The following ARL17A variants were observed in gnomAD, a reference collection of about 807,000 sequenced individuals.
ARL17A encodes the protein ADP-ribosylation factor-like 17-like.
chr17:46,534,854 G>T lies in ARL17A; in HGVS notation c.335+3497C>A, dbSNP rs187708086. ...CCCCCACCTCCCTCCCAGACAGGGC[G>T]GCTGCCGGGCAGAGGGGCTCCTCAC... On this transcript the variant is annotated intron_variant, in intron 4 of 4. Transcript: ENST00000329240. 8.7e-5 allele frequency among the ~76,000 whole-genome samples: 13 copies of T among 149,254 alleles called. 1 individual carries two copies. Among genetic ancestry groups the T allele is most frequent in the African/African-American group, 3.3e-4 (13 of 39,090 alleles).
At chr17:46,544,877 T>C (rs1353142787) in intron 3 of ARL17A, among the ~76,000 whole-genome samples, 2 of 135,700 alleles carry the variant, frequency 1.5e-5, no homozygotes, top group Non-Finnish European at 3.1e-5. Flanking sequence ...CTGCATGTCA[T>C]GTCTTCATTT....
chr17:46,541,405 C>A (rs2055290668), intron 3 of ARL17A, among the ~76,000 whole-genome samples: 1 of 148,122 alleles, frequency 6.8e-6, no homozygotes, highest in Non-Finnish European at 1.5e-5. Flanking sequence ...GCGCATGCCA[C>A]CACACCTGGC....
At chr17:46,525,297 CAT>C (rs1302124111), downstream of ARL17A, among the ~76,000 whole-genome samples, 1 of 88,808 alleles carries the variant, frequency 1.1e-5, no homozygotes, top group Non-Finnish European at 2.3e-5. Flanking sequence ...GGGAGTCCCT[CAT>C]AAAAATCTGG....
At chr17:46,559,164 AG>A (rs1365081960) in intron 3 of ARL17A, 2 of 57,226 alleles carry the variant, frequency 3.5e-5, no homozygotes, top group Admixed American at 1.9e-4. Flanking sequence ...CCCGGAGGTC[AG>A]GGCCTCTCGC....
intron 3 of ARL17A, among the ~76,000 whole-genome samples, chr17:46,557,983 G>A (rs1379814841): frequency 7.5e-6 from 1 of 133,450 alleles, no homozygotes; most frequent in Non-Finnish European, 1.6e-5. Flanking sequence ...AGGCCATATA[G>A]TATTGGAGAA....
chr17:46,554,441 C>A lies in ARL17A; in HGVS notation c.*2915G>T, dbSNP rs2145924108. 1 of 22,596 alleles carries A rather than the reference C, an allele frequency of 4.4e-5. No individual in the cohort carries two copies. Among genetic ancestry groups the A allele is most frequent in the Admixed American group, 4.9e-4 (1 of 2,030 alleles). 1.4% of individuals were successfully genotyped at this position (22,596 alleles called of 1,614,324 possible). A position where few individuals can be genotyped will look rare whatever the true frequency, so the allele number is the denominator to read the frequency against. ...ACTGTCTCAAATAAAAAAAAAACAACAAAAAAGAATTTTAACTACGGAGAC... is the reference window on the plus strand; with the variant it reads ...ACTGTCTCAAATAAAAAAAAAACAAAAAAAAAGAATTTTAACTACGGAGAC... On this transcript the variant is annotated 3_prime_UTR_variant, in exon 4 of 4. Transcript: ENST00000336125.
intron 3 of ARL17A, among the ~76,000 whole-genome samples, chr17:46,569,312 T>C (rs1450854578): frequency 1.3e-5 from 2 of 149,840 alleles, no homozygotes; most frequent in African/African-American, 2.5e-5. Flanking sequence ...TAAAGAATTA[T>C]TATTAATTTT....
chr17:46,502,287 C>T, the ARL17A span, among the ~76,000 whole-genome samples: 1 of 151,056 alleles, frequency 6.6e-6, no homozygotes. Flanking sequence ...TTGACCCCCA[C>T]TGTTATCTAG....
In ARL17A at chr17:46,541,615, C is replaced by T. The variant is rs573277940; in HGVS notation, c.260-3189G>A. Among the ~76,000 whole-genome samples the T allele has an allele frequency of 2.0e-3, 301 of 150,840 alleles. 2 individuals are homozygous for T. The highest frequency in any genetic ancestry group is 7.2e-3 in the African/African-American group (291 of 40,216). ...CATGTTGTTGCACCTATCACTACAG[C>T]TGGCCCTCCATATCTGCAGGTTCCT... On this transcript the variant is annotated intron_variant, in intron 3 of 4. Transcript: ENST00000329240.
downstream of ARL17A, among the ~76,000 whole-genome samples, chr17:46,516,434 GA>G (rs1384826705): frequency 6.9e-6 from 1 of 145,194 alleles, no homozygotes; most frequent in African/African-American, 2.6e-5. Context: ...GAGGTGTGGA[GA>G]TGCTACATGG....
intron 4 of ARL17A, among the ~76,000 whole-genome samples, chr17:46,530,457 G>A (rs531671287): frequency 5.8e-4 from 82 of 141,720 alleles, no homozygotes; most frequent in African/African-American, 2.2e-3. Flanking sequence ...GAATAGGAAA[G>A]AGGAGGGGGA....
Position 46,544,907 on chromosome 17 carries a change from C to T in ARL17A, c.260-6481G>A, listed in dbSNP as rs1225584329. ...TCATTTCCTTTAATCTAAAACATGC[C>T]TCTACTTTCTTTGATCTTTCATGAC... On this transcript the variant is annotated intron_variant, in intron 3 of 4. Transcript: ENST00000329240. Among the ~76,000 whole-genome samples the T allele has an allele frequency of 5.0e-5, 7 of 138,952 alleles. 1 individual carries two copies. Among genetic ancestry groups the T allele is most frequent in the South Asian group, 2.2e-4 (1 of 4,558 alleles). 91.2% of individuals were successfully genotyped at this position (138,952 alleles called of 152,430 possible).
downstream of ARL17A, chr17:46,549,121 A>G (rs747758053): frequency 3.7e-6 from 6 of 1,611,654 alleles, no homozygotes; most frequent in Non-Finnish European, 5.1e-6. Flanking sequence ...TCCAAAGGTC[A>G]GAAAGAAAAG....
At chr17:46,509,896 GAC>G in the ARL17A span, among the ~76,000 whole-genome samples, 7 of 44,574 alleles carry the variant, frequency 1.6e-4, 3 homozygotes, top group Non-Finnish European at 2.4e-4. Context: ...GACAGAGCAA[GAC>G]ACTCTCTCGA....
chr17:46,568,545 T>C (rs1598611572), intron 3 of ARL17A, among the ~76,000 whole-genome samples: 1 of 95,566 alleles, frequency 1.0e-5, no homozygotes, highest in Non-Finnish European at 2.0e-5. Context: ...TGGCTCACAC[T>C]ATGGTCTCAG....
At chr17:46,534,784 G>A (rs549918735) in intron 4 of ARL17A, among the ~76,000 whole-genome samples, 3 of 149,034 alleles carry the variant, frequency 2.0e-5, no homozygotes, top group South Asian at 4.2e-4. Context: ...GGGCAGAGGC[G>A]CCCCCCCACC....
chr17:46,534,649 C>T lies in ARL17A; in HGVS notation c.335+3702G>A, dbSNP rs548597735. On this transcript the variant is annotated intron_variant, in intron 4 of 4. Transcript: ENST00000329240. ...TTTCTGTATCTTTTCCCCACATTTC[C>T]CCCTTTTCTATTCAACAAAACCACC... 2.1e-3 allele frequency among the ~76,000 whole-genome samples: 310 copies of T among 148,942 alleles called. 3 individuals carry two copies. The highest frequency in any genetic ancestry group is 7.7e-3 in the African/African-American group (302 of 38,990).
the ARL17A span, among the ~76,000 whole-genome samples, chr17:46,501,187 G>A: frequency 6.6e-6 from 1 of 151,254 alleles, no homozygotes; most frequent in African/African-American, 2.5e-5. Context: ...CAGCTATATT[G>A]ACTTGTTTTT....
chr17:46,541,355 G>T (rs1270041022), intron 3 of ARL17A, among the ~76,000 whole-genome samples: 1 of 149,078 alleles, frequency 6.7e-6, no homozygotes, highest in Non-Finnish European at 1.5e-5. Flanking sequence ...AGGTTCAAGT[G>T]GTTCTCCTGC....
Sources: gnomAD v4.1 joint callset for allele counts (sites outside exome capture counted in the v4.1 genomes callset) on GRCh38, gnomAD v4.1.1 for gene constraint, MANE v1.5 for transcripts, NCBI Gene and HGNC (gene_info 2026-07-23, HGNC 2026-07-21) for gene names.